The following PPP2R2B variants were observed in gnomAD, a reference collection of about 807,000 sequenced individuals.
The protein encoded by PPP2R2B is serine/threonine-protein phosphatase 2A 55 kDa regulatory subunit B beta isoform.
Under a neutral mutation model 46.0 loss-of-function variants are expected in PPP2R2B, and 5 were observed. That is an observed-to-expected ratio of 0.11 (90% CI 0.06 to 0.23). PPP2R2B has a LOEUF of 0.23. Ranked by LOEUF, PPP2R2B falls within the 10% of genes least tolerant of loss-of-function variation. The pLI is 1.00. For missense variants in PPP2R2B, 367 were observed against 575.0 expected, an observed-to-expected ratio of 0.64 and a Z score of 3.70; for synonymous variants, 215 against 206.7, an observed-to-expected ratio of 1.04 and a Z score of -0.34.
At chr5:146,796,211 G>T (rs1313761226) in intron 2 of PPP2R2B, among the ~76,000 whole-genome samples, 14 of 152,054 alleles carry the variant, frequency 9.2e-5, no homozygotes, top group Admixed American at 9.2e-4. Context: ...ATTGGGCAAT[G>T]AAAAAAACCA....
chr5:146,865,781 T>G (rs1482516230), intron 2 of PPP2R2B, among the ~76,000 whole-genome samples: 1 of 152,184 alleles, frequency 6.6e-6, no homozygotes, highest in Non-Finnish European at 1.5e-5. Context: ...GCCACCTTCC[T>G]CGCATACTTT....
chr5:146,822,248 T>C (rs1758306374), intron 2 of PPP2R2B, among the ~76,000 whole-genome samples: 1 of 152,228 alleles, frequency 6.6e-6, no homozygotes, highest in Non-Finnish European at 1.5e-5. Flanking sequence ...AAGAGCGATC[T>C]TCTGGAAAGC....
chr5:146,911,867 T>G (rs1763194202), intron 1 of PPP2R2B, among the ~76,000 whole-genome samples: 2 of 152,222 alleles, frequency 1.3e-5, no homozygotes, highest in South Asian at 4.1e-4. Context: ...CTTCCTATAC[T>G]TAGGGTTTTT....
intron 1 of PPP2R2B, among the ~76,000 whole-genome samples, chr5:146,932,107 T>C (rs185308341): frequency 7.9e-5 from 12 of 152,312 alleles, no homozygotes; most frequent in African/African-American, 2.2e-4. Flanking sequence ...CACCCATTCA[T>C]TCAGTAACTA....
intron 2 of PPP2R2B, among the ~76,000 whole-genome samples, chr5:146,766,328 A>G (rs1366085138): frequency 2.6e-5 from 4 of 152,212 alleles, no homozygotes; most frequent in Non-Finnish European, 5.9e-5. Flanking sequence ...AAATGTCTCT[A>G]AATTAGCATT....
intron 5 of PPP2R2B, among the ~76,000 whole-genome samples, chr5:146,686,475 C>T (rs550829946): frequency 5.3e-5 from 8 of 152,010 alleles, no homozygotes; most frequent in East Asian, 3.9e-4. Context: ...AGAACCTAAC[C>T]GAGAGAGATA....
chr5:146,779,949 G>A (rs142664443), intron 2 of PPP2R2B, among the ~76,000 whole-genome samples: 7 of 152,272 alleles, frequency 4.6e-5, no homozygotes, highest in East Asian at 3.9e-4. Flanking sequence ...TTTGGTTTAT[G>A]TTAGATTTGG....
chr5:146,895,424 T>G (rs1448045727), intron 1 of PPP2R2B, among the ~76,000 whole-genome samples: 1 of 152,200 alleles, frequency 6.6e-6, no homozygotes, highest in Non-Finnish European at 1.5e-5. Flanking sequence ...AGTAAGCTCA[T>G]GAAAGAATCA....
At chr5:147,007,743 G>T (rs1754513162) in intron 1 of PPP2R2B, among the ~76,000 whole-genome samples, 1 of 152,110 alleles carries the variant, frequency 6.6e-6, no homozygotes, top group Non-Finnish European at 1.5e-5. Context: ...CTCCGGATGT[G>T]CCATCTTTAA....
chr5:146,870,016 GCTACAATATTCC>G lies in PPP2R2B; in HGVS notation c.70+7974_70+7985del, dbSNP rs377400906. ...ACCTGGGAACTCTCAGCAGCATCTT[GCTACAATATTCC>G]CTATTAGAGACATTTACAGCTTTGC... On this transcript the variant is annotated intron_variant, in intron 2 of 9. Transcript: ENST00000394411. 5.2e-3 allele frequency among the ~76,000 whole-genome samples: 790 copies of G among 152,286 alleles called. 3 individuals are homozygous for G. Among genetic ancestry groups the G allele is most frequent in the African/African-American group, 0.018 (748 of 41,556 alleles).
At chr5:146,934,202 T>C (rs1367315184) in intron 1 of PPP2R2B, among the ~76,000 whole-genome samples, 7 of 152,016 alleles carry the variant, frequency 4.6e-5, no homozygotes. Context: ...TACCCAGTAA[T>C]GGGATGGCTG....
rs140536239 is a variant in PPP2R2B, at chr5:146,708,760, G to A, written c.71-7618C>T. Among the ~76,000 whole-genome samples the A allele has an allele frequency of 2.3e-3, 343 of 152,184 alleles. 1 individual carries two copies. The highest frequency in any genetic ancestry group is 7.7e-3 in the African/African-American group (318 of 41,522). On this transcript the variant is annotated intron_variant, in intron 2 of 9. Coordinates refer to ENST00000394411, the MANE Select transcript of PPP2R2B (RefSeq NM_181675.4). ...TTTTTTTTAATCTTTCTGTCTAGATGTTATTACTATTTGGGATTCTGTTTG... is the reference window on the plus strand; with the variant it reads ...TTTTTTTTAATCTTTCTGTCTAGATATTATTACTATTTGGGATTCTGTTTG...
chr5:146,843,841 A>G (rs1759815368), intron 2 of PPP2R2B, among the ~76,000 whole-genome samples: 1 of 151,986 alleles, frequency 6.6e-6, no homozygotes, highest in Non-Finnish European at 1.5e-5. Flanking sequence ...TTCTTAATCC[A>G]GTCTATCATT....
intron 1 of PPP2R2B, among the ~76,000 whole-genome samples, chr5:146,950,250 A>AT (rs1195909261): frequency 1.3e-5 from 2 of 151,990 alleles, no homozygotes; most frequent in African/African-American, 4.8e-5. Context: ...ATATACCTAC[A>AT]TTTTACCTGT....
intron 2 of PPP2R2B, among the ~76,000 whole-genome samples, chr5:147,064,447 G>T (rs1757359427): frequency 6.6e-6 from 1 of 152,078 alleles, no homozygotes; most frequent in Non-Finnish European, 1.5e-5. Flanking sequence ...TATCCCCGGG[G>T]GTGCAAAATT....
At chr5:146,649,161 T>C (rs993509003) in intron 6 of PPP2R2B, among the ~76,000 whole-genome samples, 1 of 152,132 alleles carries the variant, frequency 6.6e-6, no homozygotes, top group Non-Finnish European at 1.5e-5. Flanking sequence ...ATTTGACATA[T>C]ATTTTAGAGG....
intron 9 of PPP2R2B, 74 bp downstream of exon 9, chr5:146,592,897 C>CTACTT: frequency 6.9e-7 from 1 of 1,444,596 alleles, no homozygotes. Context: ...TGGCTGTACT[C>CTACTT]TACTTAGGAT....
At chr5:146,677,277 C>G (rs1470066876) in intron 5 of PPP2R2B, among the ~76,000 whole-genome samples, 2 of 152,096 alleles carry the variant, frequency 1.3e-5, no homozygotes, top group African/African-American at 4.8e-5. Flanking sequence ...TTGAATGTTG[C>G]AGAACTCTCA....
At chr5:146,857,751 G>A (rs1028911733) in intron 2 of PPP2R2B, among the ~76,000 whole-genome samples, 4 of 151,256 alleles carry the variant, frequency 2.6e-5, no homozygotes, top group South Asian at 4.2e-4. Context: ...GCAATGGCAC[G>A]ATCTCGGCTC....
Sources: gnomAD v4.1 joint callset for allele counts (sites outside exome capture counted in the v4.1 genomes callset) on GRCh38, gnomAD v4.1.1 for gene constraint, MANE v1.5 for transcripts, NCBI Gene and HGNC (gene_info 2026-07-23, HGNC 2026-07-21) for gene names.